Variants in ARHGAP15 observed in about 807,000 individuals in gnomAD.
The protein encoded by ARHGAP15 is rho GTPase-activating protein 15.
In ARHGAP15, 51 loss-of-function variants were observed where a neutral mutation model predicts 63.7. The ratio of observed to expected loss-of-function variants is 0.80; its 90% confidence interval spans 0.64 to 1.01. The LOEUF is 1.01. ARHGAP15 is among the 50% of genes least tolerant of loss of function. The pLI is 0.00. For synonymous variants in ARHGAP15, 191 were observed against 193.8 expected, an observed-to-expected ratio of 0.99 and a Z score of 0.12; for missense variants, 560 against 564.6, an observed-to-expected ratio of 0.99 and a Z score of 0.08.
chr2:143,753,349 C>G (rs1335632306), intron 13 of ARHGAP15, among the ~76,000 whole-genome samples: 1 of 152,168 alleles, frequency 6.6e-6, no homozygotes, highest in Non-Finnish European at 1.5e-5. Context: ...ATCAAATTGA[C>G]AAATGTACGA....
chr2:143,435,582 C>CTTTTTTT lies in ARHGAP15; in HGVS notation c.475-11_475-5dup, dbSNP rs11438710. The CTTTTTTT allele has an allele frequency of 1.0e-5, 14 of 1,356,700 alleles. No homozygotes were observed. Among genetic ancestry groups the CTTTTTTT allele is most frequent in the African/African-American group, 4.7e-5 (3 of 63,588 alleles). 84.0% of individuals were successfully genotyped at this position (1,356,700 alleles called of 1,614,324 possible). A position where few individuals can be genotyped will look rare whatever the true frequency, so the allele number is the denominator to read the frequency against. On this transcript the variant is annotated intron_variant, in intron 6 of 13. Transcript: ENST00000295095. ...TTTCTTTACCTGTCTATTTCTTTTT[C>CTTTTTTT]TTTTTTTTTTTTTTGCAGATCACAA...
intron 12 of ARHGAP15, among the ~76,000 whole-genome samples, chr2:143,672,417 G>GAGACA (rs574724030): frequency 4.6e-5 from 7 of 152,180 alleles, no homozygotes; most frequent in Non-Finnish European, 1.0e-4. Flanking sequence ...GCCCAACTAT[G>GAGACA]AGACAAATGC....
intron 11 of ARHGAP15, among the ~76,000 whole-genome samples, chr2:143,558,527 T>A (rs1695900098): frequency 6.6e-6 from 1 of 152,194 alleles, no homozygotes; most frequent in East Asian, 1.9e-4. Flanking sequence ...ACTCGGTGAT[T>A]GTATTTCAGA....
intron 2 of ARHGAP15, among the ~76,000 whole-genome samples, chr2:143,188,299 A>T (rs1347134910): frequency 6.6e-6 from 1 of 152,070 alleles, no homozygotes; most frequent in Non-Finnish European, 1.5e-5. Context: ...TATAAACATA[A>T]ATTTCTTTGT....
intron 11 of ARHGAP15, chr2:143,587,629 C>T: frequency 2.3e-6 from 1 of 428,112 alleles, no homozygotes; most frequent in Non-Finnish European, 4.8e-6. Flanking sequence ...GTTGGCTTTT[C>T]CCTTCCCATA....
intron 2 of ARHGAP15, among the ~76,000 whole-genome samples, chr2:143,185,174 A>C (rs1486663764): frequency 1.3e-5 from 2 of 152,168 alleles, no homozygotes; most frequent in African/African-American, 4.8e-5. Flanking sequence ...GTTCCGATTG[A>C]GTTTAATATT....
chr2:143,661,751 G>C (rs539903352), intron 12 of ARHGAP15, among the ~76,000 whole-genome samples: 9 of 152,340 alleles, frequency 5.9e-5, no homozygotes, highest in African/African-American at 2.2e-4. Flanking sequence ...GTGAGGCATT[G>C]CCTCACTTGG....
chr2:143,525,456 G>A (rs1333645212), intron 10 of ARHGAP15, among the ~76,000 whole-genome samples: 1 of 133,160 alleles, frequency 7.5e-6, no homozygotes, highest in African/African-American at 2.6e-5. Context: ...AGTGACCTAT[G>A]TTTTTGTTTT....
intron 13 of ARHGAP15, among the ~76,000 whole-genome samples, chr2:143,713,773 A>G (rs1684687950): frequency 1.3e-5 from 2 of 152,226 alleles, no homozygotes; most frequent in African/African-American, 4.8e-5. Context: ...GTCAAATTTT[A>G]AAGCTCCAAA....
At chr2:143,660,824 G>C (rs1267408504) in intron 12 of ARHGAP15, among the ~76,000 whole-genome samples, 2 of 152,250 alleles carry the variant, frequency 1.3e-5, no homozygotes, top group Non-Finnish European at 2.9e-5. Flanking sequence ...ACACAAGGCT[G>C]TGTCCTCATT....
intron 12 of ARHGAP15, among the ~76,000 whole-genome samples, chr2:143,664,253 A>G (rs1219818465): frequency 1.3e-5 from 2 of 152,210 alleles, no homozygotes; most frequent in African/African-American, 2.4e-5. Flanking sequence ...AGAACTCAGG[A>G]TTAGGAATCT....
intron 9 of ARHGAP15, among the ~76,000 whole-genome samples, chr2:143,510,461 A>G (rs961979932): frequency 3.3e-5 from 5 of 152,150 alleles, no homozygotes; most frequent in African/African-American, 1.2e-4. Context: ...TGAAATGAGC[A>G]CCCTGACCCA....
chr2:143,335,564 C>A (rs546903501), intron 6 of ARHGAP15, among the ~76,000 whole-genome samples: 11 of 152,070 alleles, frequency 7.2e-5, no homozygotes, highest in African/African-American at 2.7e-4. Context: ...TGTTTAAATG[C>A]CAAGGAAATG....
intron 6 of ARHGAP15, among the ~76,000 whole-genome samples, chr2:143,315,120 C>T (rs1389253010): frequency 6.6e-6 from 1 of 152,138 alleles, no homozygotes; most frequent in African/African-American, 2.4e-5. Context: ...CTTGCAGCAA[C>T]AATTATATTT....
At chr2:143,530,140 C>T (rs920303257) in intron 10 of ARHGAP15, among the ~76,000 whole-genome samples, 1 of 152,096 alleles carries the variant, frequency 6.6e-6, no homozygotes, top group Non-Finnish European at 1.5e-5. Context: ...CTAGAAGAGA[C>T]AATGATTAAA....
chr2:143,368,527 G>A (rs1686400247), intron 6 of ARHGAP15, among the ~76,000 whole-genome samples: 1 of 152,050 alleles, frequency 6.6e-6, no homozygotes. Flanking sequence ...GACATGATCA[G>A]ATTTGATTTT....
chr2:143,628,178 T>C (rs912679856), intron 12 of ARHGAP15, among the ~76,000 whole-genome samples: 5 of 152,128 alleles, frequency 3.3e-5, no homozygotes, highest in African/African-American at 9.7e-5. Flanking sequence ...TTTATGGCTG[T>C]GTAGTATTCT....
chr2:143,666,772 G>C (rs1372755040), intron 12 of ARHGAP15, among the ~76,000 whole-genome samples: 91 of 147,358 alleles, frequency 6.2e-4, no homozygotes, highest in East Asian at 5.2e-3. Flanking sequence ...CATGAACAGA[G>C]ACTTCTCAAA....
At chr2:143,640,832 G>C (rs1680565795) in intron 12 of ARHGAP15, 1 of 152,096 alleles carries the variant, frequency 6.6e-6, no homozygotes, top group South Asian at 2.1e-4. Flanking sequence ...AGTTGTTTCA[G>C]AATATGGGCC....
Sources: gnomAD v4.1 joint callset for allele counts (sites outside exome capture counted in the v4.1 genomes callset) on GRCh38, gnomAD v4.1.1 for gene constraint, MANE v1.5 for transcripts, NCBI Gene and HGNC (gene_info 2026-07-23, HGNC 2026-07-21) for gene names.